Variants in WDR41 observed in about 807,000 individuals in gnomAD.
WDR41 encodes WD repeat domain 41.
Under a neutral mutation model 69.3 loss-of-function variants are expected in WDR41, and 63 were observed. That is an observed-to-expected ratio of 0.91 (90% CI 0.74 to 1.12). The LOEUF (loss-of-function observed/expected upper bound fraction) is 1.12, where lower values mean the gene tolerates loss of function less well. Among genes scored for constraint, WDR41 ranks in the 50% most tolerant of loss-of-function variants. The probability of loss-of-function intolerance (pLI) is 0.00; values close to 1 mark genes in which losing one functional copy is unlikely to be tolerated. For missense variants in WDR41, 543 were observed against 534.5 expected, an observed-to-expected ratio of 1.02 and a Z score of -0.16; for synonymous variants, 185 against 192.1, an observed-to-expected ratio of 0.96 and a Z score of 0.31.
At chr5:77,538,970 T>C (rs1374127171) in intron 1 of WDR41, among the ~76,000 whole-genome samples, 1 of 152,218 alleles carries the variant, frequency 6.6e-6, no homozygotes, top group Non-Finnish European at 1.5e-5. Flanking sequence ...CATTTATTTC[T>C]CACAAATCTG....
At chr5:77,598,603 A>G (rs1350253405) in intron 1 of WDR41, among the ~76,000 whole-genome samples, 1 of 151,944 alleles carries the variant, frequency 6.6e-6, no homozygotes, top group Admixed American at 6.6e-5. Context: ...TAATGCCTGA[A>G]GCCAAGCTGG....
chr5:77,477,139 A>G (rs1026395265), intron 2 of WDR41, among the ~76,000 whole-genome samples: 32 of 147,902 alleles, frequency 2.2e-4, no homozygotes, highest in African/African-American at 7.2e-4. Flanking sequence ...CTAAATATAT[A>G]TGCACCCAAT....
chr5:77,510,586 T>A (rs754102044), intron 1 of WDR41, among the ~76,000 whole-genome samples: 6 of 152,198 alleles, frequency 3.9e-5, no homozygotes, highest in Non-Finnish European at 7.4e-5. Flanking sequence ...CAGGTTTCCA[T>A]GCCTTTCTAC....
At chr5:77,470,887 G>C (rs903123259) in intron 2 of WDR41, among the ~76,000 whole-genome samples, 10 of 151,852 alleles carry the variant, frequency 6.6e-5, no homozygotes, top group Admixed American at 6.6e-4. Flanking sequence ...AGTTAACAAG[G>C]ATATCCAGGA....
At chr5:77,560,785 C>A (rs1048842329) in intron 1 of WDR41, among the ~76,000 whole-genome samples, 1 of 152,176 alleles carries the variant, frequency 6.6e-6, no homozygotes, top group Non-Finnish European at 1.5e-5. Flanking sequence ...CTTCCACAAA[C>A]TTTGAATCTT....
chr5:77,456,090 C>A (rs1160448167), intron 5 of WDR41, among the ~76,000 whole-genome samples: 1 of 152,148 alleles, frequency 6.6e-6, no homozygotes, highest in Non-Finnish European at 1.5e-5. Context: ...CTGATCCATG[C>A]ACTCAGGATG....
intron 1 of WDR41, among the ~76,000 whole-genome samples, chr5:77,609,609 A>G (rs1744501539): frequency 6.6e-6 from 1 of 152,236 alleles, no homozygotes; most frequent in Non-Finnish European, 1.5e-5. Context: ...GTCTGTTAGA[A>G]GGAAAACTAA....
At chr5:77,577,783 T>C (rs1743860265) in intron 1 of WDR41, among the ~76,000 whole-genome samples, 1 of 152,216 alleles carries the variant, frequency 6.6e-6, no homozygotes, top group African/African-American at 2.4e-5. Flanking sequence ...CAGGTGCTCC[T>C]CAACTTATTA....
At chr5:77,437,258 A>C in intron 11 of WDR41, 78 bp downstream of exon 11, 1 of 1,179,388 alleles carries the variant, frequency 8.5e-7, no homozygotes, top group Non-Finnish European at 1.3e-6. Context: ...TAGTGGTTTC[A>C]CATAATTGTC....
At chr5:77,438,492 C>T in intron 9 of WDR41, 131 bp from the exon 10 acceptor site, 2 of 1,291,424 alleles carry the variant, frequency 1.5e-6, no homozygotes, top group Non-Finnish European at 2.1e-6. Flanking sequence ...GCCCAAATTA[C>T]AGTACTAATC....
chr5:77,501,040 C>T (rs1454748446), intron 1 of WDR41, among the ~76,000 whole-genome samples: 1 of 152,190 alleles, frequency 6.6e-6, no homozygotes, highest in Non-Finnish European at 1.5e-5. Flanking sequence ...GTGGGCACAA[C>T]CCATGTAGGG....
At chr5:77,455,202 T>A (rs1799778949) in intron 5 of WDR41, among the ~76,000 whole-genome samples, 1 of 152,254 alleles carries the variant, frequency 6.6e-6, no homozygotes, top group African/African-American at 2.4e-5. Context: ...TATTTCACTG[T>A]GGTTTTGACT....
At chr5:77,475,391 G>C (rs1391206053) in intron 2 of WDR41, among the ~76,000 whole-genome samples, 11 of 152,342 alleles carry the variant, frequency 7.2e-5, no homozygotes, top group African/African-American at 2.2e-4. Flanking sequence ...CAAAAAGACA[G>C]CAGTAACCTC....
chr5:77,604,689 C>T (rs932715627), intron 1 of WDR41, among the ~76,000 whole-genome samples: 2 of 152,116 alleles, frequency 1.3e-5, no homozygotes, highest in Non-Finnish European at 2.9e-5. Context: ...GATAAATGTT[C>T]ATTATTCACT....
rs1256529552 is a variant in WDR41 at position 77,432,108 on chromosome 5, GGTATATTTGTA to G, written c.*1016_*1026del. ...AAGAACTTATGGAGATTCCCTTTAG[GGTATATTTGTA>G]GTATATTTGTATAATGAACAAATAA... On this transcript the variant is annotated 3_prime_UTR_variant, in exon 13 of 13. Coordinates refer to ENST00000296679, the MANE Select transcript of WDR41 (RefSeq NM_018268.4). The G allele has an allele frequency of 2.0e-5, 3 of 151,770 alleles. No homozygotes were observed. Among genetic ancestry groups the G allele is most frequent in the East Asian group, 3.9e-4 (2 of 5,174 alleles). 9.4% of individuals were successfully genotyped at this position (151,770 alleles called of 1,614,324 possible). A position where few individuals can be genotyped will look rare whatever the true frequency, so the allele number is the denominator to read the frequency against.
intron 1 of WDR41, among the ~76,000 whole-genome samples, chr5:77,508,088 G>A (rs1165677463): frequency 6.6e-6 from 1 of 151,794 alleles, no homozygotes; most frequent in Admixed American, 6.6e-5. Flanking sequence ...ATTTCCATTA[G>A]TTCTTTTACA....
chr5:77,517,829 TAATAAG>T (rs1802313043), intron 1 of WDR41, among the ~76,000 whole-genome samples: 1 of 151,982 alleles, frequency 6.6e-6, no homozygotes, highest in Non-Finnish European at 1.5e-5. Context: ...GTAAAAATAA[TAATAAG>T]AAGAAACGAA....
intron 1 of WDR41, among the ~76,000 whole-genome samples, chr5:77,572,687 C>A (rs569937853): frequency 1.3e-4 from 20 of 152,338 alleles, no homozygotes; most frequent in East Asian, 1.2e-3. Context: ...TCAAGACCAC[C>A]TTCCCCACTA....
At chr5:77,609,344 A>G (rs1463603269) in intron 1 of WDR41, among the ~76,000 whole-genome samples, 1 of 152,138 alleles carries the variant, frequency 6.6e-6, no homozygotes, top group African/African-American at 2.4e-5. Flanking sequence ...GAACGGGCAG[A>G]CTGCCTCCTC....
Sources: gnomAD v4.1 joint callset for allele counts (sites outside exome capture counted in the v4.1 genomes callset) on GRCh38, gnomAD v4.1.1 for gene constraint, MANE v1.5 for transcripts, NCBI Gene and HGNC (gene_info 2026-07-23, HGNC 2026-07-21) for gene names.